Variants in DRAXIN observed in about 807,000 individuals in gnomAD.
DRAXIN encodes dorsal repulsive axon guidance protein.
A neutral mutation model predicts 33.9 loss-of-function variants in DRAXIN; 27 were observed. The ratio of observed to expected loss-of-function variants is 0.80; its 90% CI spans 0.59 to 1.10. The LOEUF (loss-of-function observed/expected upper bound fraction) is 1.10, where lower values mean the gene tolerates loss of function less well. Among genes scored for constraint, DRAXIN ranks in the 50% least tolerant of loss-of-function variants. The pLI, the probability that DRAXIN is intolerant of heterozygous loss-of-function variation, is 0.00. For synonymous variants in DRAXIN, 178 were observed against 194.0 expected (o/e 0.92, Z 0.69); for missense variants, 371 against 460.8 (o/e 0.81, Z 1.78).
At chr1:11,717,676 A>T (rs1310849220) in intron 6 of DRAXIN, among the ~76,000 whole-genome samples, 3 of 147,524 alleles carry the variant, frequency 2.0e-5, no homozygotes, top group Non-Finnish European at 4.5e-5. Context: ...AAAAAAAAAG[A>T]AAGGGTAGAC....
At chr1:11,695,376 C>G (rs547570768) in intron 1 of DRAXIN, among the ~76,000 whole-genome samples, 1 of 151,822 alleles carries the variant, frequency 6.6e-6, no homozygotes, top group African/African-American at 2.4e-5. Context: ...GCCAGGGGTT[C>G]GAGACCAGCC....
upstream of DRAXIN, among the ~76,000 whole-genome samples, chr1:11,687,055 AT>A (rs999445253): frequency 7.9e-5 from 12 of 151,552 alleles, no homozygotes; most frequent in Non-Finnish European, 1.8e-4. This position sits in a 1 kb window ranked among gnomAD's most constrained non-coding sequence, Gnocchi z 4.1. Context: ...GGATTGTCCA[AT>A]TTTTTTATTT....
At chr1:11,718,884 ATTTG>A (rs373195409) in intron 6 of DRAXIN, among the ~76,000 whole-genome samples, 5,810 of 151,756 alleles carry the variant, frequency 0.038, 293 homozygotes, top group African/African-American at 0.12. Context: ...CATGTGGTAG[ATTTG>A]TTTGTTTGTT....
rs76415273 is a variant in DRAXIN, at chr1:11,715,572, C to T, written c.937+364C>T. Among the ~76,000 whole-genome samples the T allele has an allele frequency of 2.7e-3, 403 of 151,692 alleles. 17 individuals carry two copies. The East Asian group carries it at 0.067, about 25-fold the overall frequency. ...ATTAGATCCAGCCTCAGAAGGCTGC[C>T]GCTTTCACACCAGAATTCTATCCCA... On this transcript the variant is annotated intron_variant, in intron 6 of 6. Coordinates refer to ENST00000294485, the MANE Select transcript of DRAXIN (RefSeq NM_198545.4).
upstream of DRAXIN, among the ~76,000 whole-genome samples, chr1:11,686,790 C>T (rs1207742695): frequency 7.2e-6 from 1 of 139,522 alleles, no homozygotes; most frequent in African/African-American, 2.8e-5. Flanking sequence ...ACTTTTGATC[C>T]AGCTCAACTG....
intron 6 of DRAXIN, 76 bp downstream of exon 6, chr1:11,715,284 T>C: frequency 1.3e-6 from 2 of 1,566,462 alleles, no homozygotes; most frequent in Non-Finnish European, 1.8e-6. Context: ...AAGCGGCTTC[T>C]GCACCGAGTG....
intron 5 of DRAXIN, among the ~76,000 whole-genome samples, chr1:11,712,930 T>G (rs954383607): frequency 6.8e-6 from 1 of 146,754 alleles, no homozygotes; most frequent in East Asian, 2.0e-4. Context: ...CTGGGCATGG[T>G]GGCTCATGCC....
Position 11,719,543 on chromosome 1 carries a change from G to C in DRAXIN, c.938-41G>C, listed in dbSNP as rs779950756. On this transcript the variant is annotated intron_variant, in intron 6 of 6. Transcript: ENST00000294485. ...CAGGGGAAGGAAGGGGAGGGCACGG[G>C]CCCTTCGCGCCTCTGACCCCCCTTG... is the stretch of plus-strand genomic sequence containing the variant. The C allele has an allele frequency of 3.9e-6, 6 of 1,539,842 alleles. 1 individual carries two copies. In the Admixed American group the frequency reaches 1.1e-4, roughly 28 times the overall value.
intron 5 of DRAXIN, 47 bp from the exon 6 acceptor site, chr1:11,715,072 A>G (rs1641554773): frequency 6.2e-7 from 1 of 1,601,406 alleles, no homozygotes; most frequent in Admixed American, 1.7e-5. Context: ...GGCTGCGGGG[A>G]GGGGCGGCTC....
chr1:11,691,123 G>C (rs972049031), upstream of DRAXIN, among the ~76,000 whole-genome samples: 1 of 152,124 alleles, frequency 6.6e-6, no homozygotes, highest in African/African-American at 2.4e-5. Flanking sequence ...CACTTTCTGC[G>C]GCTACAAAGG....
In DRAXIN at chr1:11,692,093, C is replaced by G. The variant is rs1342239721; in HGVS notation, c.-11+240C>G. Among the ~76,000 whole-genome samples the G allele has an allele frequency of 6.6e-6, 1 of 152,134 alleles. No individual in the cohort carries two copies. The highest frequency in any genetic ancestry group is 1.5e-5 in the Non-Finnish European group (1 of 68,010). ...CTGGCTCTGCTCCCGGGCTCCCCATCCGTCCACCTACCGCTGGACGCCCAC... is the reference window on the plus strand; with the variant it reads ...CTGGCTCTGCTCCCGGGCTCCCCATGCGTCCACCTACCGCTGGACGCCCAC... On this transcript the variant is annotated intron_variant, in intron 1 of 6. Coordinates refer to ENST00000294485, the MANE Select transcript of DRAXIN (RefSeq NM_198545.4). This position sits in a 1 kb window ranked among gnomAD's most constrained non-coding sequence, Gnocchi z 5.8.
At position 11,704,206 on chromosome 1, in the gene DRAXIN, T is replaced by G. The variant is rs1196336805; in HGVS notation, c.-10-2043T>G. ...ATTGGCCAACGTCCCGAGGTTTCCC[T>G]GTCCCTAGGACGCTCTTCGGGCTTC... On this transcript the variant is annotated intron_variant, in intron 1 of 6. Transcript: ENST00000294485. The surrounding 1 kb of genome is among the most constrained non-coding windows in gnomAD (Gnocchi z 4.6). Among the ~76,000 whole-genome samples, 2 of 152,228 alleles carry G rather than the reference T, an allele frequency of 1.3e-5. No individual in the cohort carries two copies. The highest frequency in any genetic ancestry group is 4.8e-5 in the African/African-American group (2 of 41,458).
chr1:11,704,667 C>T lies in DRAXIN; in HGVS notation c.-10-1582C>T, dbSNP rs374944032. On this transcript the variant is annotated intron_variant, in intron 1 of 6. Transcript: ENST00000294485. The surrounding 1 kb of genome is among the most constrained non-coding windows in gnomAD (Gnocchi z 4.6). The stretch of plus-strand genomic sequence containing the variant: ...GAATGGATGCAGGTGTGATGGGAGA[C>T]AGGGTTGTCACAACAAGCCTGTCCC... Among the ~76,000 whole-genome samples, 14 of 152,302 alleles carry T rather than the reference C, an allele frequency of 9.2e-5. No individual in the cohort carries two copies. The highest frequency in any genetic ancestry group is 6.8e-3 in the Middle Eastern group (2 of 294).
Position 11,711,429 on chromosome 1 carries a change from A to G in DRAXIN, c.643-422A>G, listed in dbSNP as rs562680244. Among the ~76,000 whole-genome samples the G allele has an allele frequency of 4.6e-5, 7 of 152,248 alleles. No individual in the cohort carries two copies. The East Asian group carries it at 9.7e-4, about 21-fold the overall frequency. ...GGACTGAGCCCTGGTTGTGGCCTCA[A>G]TGGTGCCACGGATTGCTGGTAACCT... is the stretch of plus-strand genomic sequence containing the variant. On this transcript the variant is annotated intron_variant, in intron 3 of 6. Coordinates refer to ENST00000294485, the MANE Select transcript of DRAXIN (RefSeq NM_198545.4).
intron 5 of DRAXIN, among the ~76,000 whole-genome samples, chr1:11,713,675 G>GC (rs924512466): frequency 1.6e-4 from 24 of 152,190 alleles, no homozygotes; most frequent in African/African-American, 5.5e-4. Flanking sequence ...GATCCCGTGA[G>GC]CCCAGGAGTT....
chr1:11,716,450 A>G (rs904951067), intron 6 of DRAXIN, among the ~76,000 whole-genome samples: 1 of 152,212 alleles, frequency 6.6e-6, no homozygotes, highest in African/African-American at 2.4e-5. Context: ...GTTCCATCCA[A>G]TATCAAATCA....
Position 11,720,026 on chromosome 1 carries a change from T to C in DRAXIN, c.*330T>C. 1 of 284,652 alleles carries C rather than the reference T, an allele frequency of 3.5e-6. No homozygotes were observed. Among genetic ancestry groups the C allele is most frequent in the Non-Finnish European group, 7.0e-6 (1 of 143,440 alleles). The allele number at this position is 284,652 out of a possible 1,614,324, so 17.6% of individuals were successfully genotyped here. A position where few individuals can be genotyped will look rare whatever the true frequency, so the allele number is the denominator to read the frequency against. ...CAAGTTCAAAACCAAGAGGCGTTTT[T>C]GAGAGTGGAAAAGAAATTTAAACTT... On this transcript the variant is annotated 3_prime_UTR_variant, in exon 7 of 7. Coordinates refer to ENST00000294485, the MANE Select transcript of DRAXIN (RefSeq NM_198545.4).
At chr1:11,703,147 G>A (rs540153549) in intron 1 of DRAXIN, among the ~76,000 whole-genome samples, 143 of 152,364 alleles carry the variant, frequency 9.4e-4, no homozygotes, top group African/African-American at 3.3e-3. Context: ...AGAAGGGAAT[G>A]TGCAGAGTCC....
chr1:11,715,971 G>A (rs1369281469), intron 6 of DRAXIN, among the ~76,000 whole-genome samples: 2 of 152,152 alleles, frequency 1.3e-5, no homozygotes, highest in African/African-American at 4.8e-5. Context: ...CCAGGCTTAG[G>A]TGATCCTCCC....
Sources: allele counts gnomAD v4.1 joint callset (sites outside exome capture counted in the v4.1 genomes callset), GRCh38; gene constraint gnomAD v4.1.1; non-coding constraint Gnocchi (gnomAD v3.1); transcripts MANE v1.5; gene names NCBI Gene and HGNC (gene_info 2026-07-23, HGNC 2026-07-21).